COPB2: variants seen among roughly 807,000 people sequenced by gnomAD.
COPB2 encodes coatomer subunit beta'.
COPB2 carries 16 observed loss-of-function variants against 120.8 expected under a neutral mutation model. The ratio of observed to expected loss-of-function variants is 0.13; its 90% CI spans 0.09 to 0.20. COPB2 has a LOEUF of 0.20. Among genes scored for constraint, COPB2 ranks in the 10% least tolerant of loss-of-function variants. COPB2 has a pLI of 1.00. For missense variants in COPB2, 794 were observed against 1,076.5 expected, an observed-to-expected ratio of 0.74 and a Z score of 3.67; for synonymous variants, 332 against 366.3, an observed-to-expected ratio of 0.91 and a Z score of 1.07.
chr3:139,373,807 T>A lies in COPB2; in HGVS notation c.753A>T (p.Gly251=). 6.2e-7 allele frequency: 1 copy of A among 1,613,894 alleles called. No individual in the cohort carries two copies. The highest frequency in any genetic ancestry group is 1.1e-5 in the South Asian group (1 of 91,048). Residue 251 remains glycine (G), a splice_region_variant and synonymous_variant, in exon 8 of 22, where the codon GGA becomes GGT. Transcript: ENST00000333188. ...TGCTTGAATGCCAAATACGTACTGT[T>A]CCTAAAAAGAACAATGTAAATACTC... ...LPIIITGSED[G]TVRIWHSSTY...
intron 15 of COPB2, among the ~76,000 whole-genome samples, chr3:139,364,934 G>A (rs553430107): frequency 6.6e-6 from 1 of 152,074 alleles, no homozygotes; most frequent in Non-Finnish European, 1.5e-5. Context: ...TACCATATAG[G>A]GGGAAGAGAA....
intron 10 of COPB2, among the ~76,000 whole-genome samples, chr3:139,370,335 G>A (rs1004302870): frequency 1.3e-5 from 2 of 152,132 alleles, no homozygotes; most frequent in Admixed American, 1.3e-4. Flanking sequence ...TAGACAAAGC[G>A]ATGATTCACG....
intron 4 of COPB2, among the ~76,000 whole-genome samples, chr3:139,378,491 A>G (rs373776299): frequency 1.3e-5 from 2 of 152,334 alleles, no homozygotes; most frequent in African/African-American, 4.8e-5. Context: ...TATAAGTTTG[A>G]CTAGATCTAA....
At chr3:139,379,017 C>T (rs372714342) in intron 4 of COPB2, 30 bp downstream of exon 4, 634 of 1,545,654 alleles carry the variant, frequency 4.1e-4, no homozygotes, top group Non-Finnish European at 5.0e-4. Context: ...CCCAAAGAGA[C>T]GCACATGACC....
chr3:139,374,365 C>A, intron 7 of COPB2, 124 bp downstream of exon 7: 2 of 728,854 alleles, frequency 2.7e-6, no homozygotes, highest in Non-Finnish European at 4.8e-6. Flanking sequence ...TAGCTTAAGT[C>A]TGGTACTTTA....
chr3:139,388,626 GTTT>G (rs35109875), intron 1 of COPB2, among the ~76,000 whole-genome samples: 5 of 121,450 alleles, frequency 4.1e-5, no homozygotes, highest in Non-Finnish European at 5.4e-5. Context: ...TTCATAACAA[GTTT>G]TTTTTTTTTT....
Position 139,360,172 on chromosome 3 carries a change from T to C in COPB2, c.2211-810A>G, listed in dbSNP as rs115801100. Among the ~76,000 whole-genome samples the C allele has an allele frequency of 6.1e-3, 818 of 133,176 alleles. 9 individuals are homozygous for C. Among genetic ancestry groups the C allele is most frequent in the African/African-American group, 0.021 (778 of 36,476 alleles). The allele number at this position is 133,176 out of a possible 152,430, so 87.4% of individuals were successfully genotyped here. A position where few individuals can be genotyped will look rare whatever the true frequency, so the allele number is the denominator to read the frequency against. On this transcript the variant is annotated intron_variant, in intron 17 of 21. Coordinates refer to ENST00000333188, the MANE Select transcript of COPB2 (RefSeq NM_004766.3). ...ACAATGGGGTGCACGTTCAAAGTTA[T>C]ATGGCGAAGTATGGGATTGTAAAAA...
At position 139,383,378 on chromosome 3, in the gene COPB2, C is replaced by T. The variant is rs771058803; in HGVS notation, c.61G>A (p.Val21Met). The T allele has an allele frequency of 1.1e-5, 18 of 1,613,830 alleles. No individual in the cohort carries two copies. The highest frequency in any genetic ancestry group is 5.0e-5 in the Admixed American group (3 of 60,004). ...LTARSDRVKS[V>M]DLHPTEPWML... is the part of the protein sequence containing the mutation. The stretch of plus-strand genomic sequence containing the variant: ...CATGGCTCTGTAGGATGCAGATCCA[C>T]ACTCTTAACTCGATCAGATCTAGCA... Residue 21 changes from valine (V) to methionine (M), a missense_variant, in exon 2 of 22, where the codon GTG (valine) becomes ATG (methionine). By Grantham distance (21) the Val-to-Met change is conservative. Around this residue, in one of 3 missense-constraint regions of COPB2, gnomAD observed 610 missense variants for 866.7 expected, o/e 0.70. Transcript: ENST00000333188.
Position 139,389,633 on chromosome 3 carries a change from T to A in COPB2, c.-83A>T. 1 of 1,384,316 alleles carries A rather than the reference T, an allele frequency of 7.2e-7. No homozygotes were observed. Among genetic ancestry groups the A allele is most frequent in the East Asian group, 2.6e-5 (1 of 38,908 alleles). 85.8% of individuals were successfully genotyped at this position (1,384,316 alleles called of 1,614,324 possible). A position where few individuals can be genotyped will look rare whatever the true frequency, so the allele number is the denominator to read the frequency against. On this transcript the variant is annotated 5_prime_UTR_variant, in exon 1 of 22. Coordinates refer to ENST00000333188, the MANE Select transcript of COPB2 (RefSeq NM_004766.3). ...GATAAACCCACCGATCCACTGACCG[T>A]CAGACTGACTGACGTGGAACTTCCG...
chr3:139,368,332 G>A, intron 12 of COPB2, 44 bp from the exon 13 acceptor site: 2 of 1,582,704 alleles, frequency 1.3e-6, no homozygotes, highest in Non-Finnish European at 1.7e-6. Flanking sequence ...GGATTTCTGA[G>A]TGGATATGAC....
chr3:139,371,564 T>C (rs552664920), intron 10 of COPB2, among the ~76,000 whole-genome samples, 159 bp downstream of exon 10: 25 of 152,346 alleles, frequency 1.6e-4, no homozygotes, highest in African/African-American at 5.8e-4. Context: ...GCTCATGCTA[T>C]ACACTCGCCT....
At chr3:139,384,119 A>C (rs1941867848) in intron 1 of COPB2, among the ~76,000 whole-genome samples, 1 of 152,208 alleles carries the variant, frequency 6.6e-6, no homozygotes, top group South Asian at 2.1e-4. Flanking sequence ...TAGTTTCTTA[A>C]AGGCTACTTG....
chr3:139,362,035 C>T (rs1357734321), intron 16 of COPB2, among the ~76,000 whole-genome samples: 1 of 152,168 alleles, frequency 6.6e-6, no homozygotes, highest in African/African-American at 2.4e-5. Context: ...TCTTTCAAAA[C>T]CAACATATTT....
At chr3:139,361,432 G>T in intron 16 of COPB2, 137 bp from the exon 17 acceptor site, 1 of 765,368 alleles carries the variant, frequency 1.3e-6, no homozygotes, top group Non-Finnish European at 2.0e-6. Context: ...AAATAAGAAT[G>T]GCATTGCAAA....
At chr3:139,373,469 C>T (rs1941659801) in intron 8 of COPB2, 57 bp from the exon 9 acceptor site, 3 of 1,588,136 alleles carry the variant, frequency 1.9e-6, no homozygotes, top group Admixed American at 1.7e-5. Context: ...AAAACCAAAA[C>T]AAAACAGATT....
rs560518160 is a variant in COPB2 at position 139,358,262 on chromosome 3, C to T, written c.2563G>A (p.Gly855Arg). 8 of 1,613,932 alleles carry T rather than the reference C, an allele frequency of 5.0e-6. No homozygotes were observed. In the African/African-American group the frequency reaches 5.3e-5, roughly 11 times the overall value. Reference protein sequence around the residue: ...SRSTAQQELDGKPASPTPVIV... With the variant: ...SRSTAQQELDRKPASPTPVIV... ...ACCGGAGTAGGAGAAGCAGGTTTCC[C>T]ATCAAGTTCCTGAAACCACAAGTGA... is the stretch of plus-strand genomic sequence containing the variant. Residue 855 changes from glycine to arginine, a missense_variant, in exon 21 of 22, where the codon GGG becomes AGG. Around this residue, in one of 3 missense-constraint regions of COPB2, gnomAD observed 178 missense variants for 183.2 expected, o/e 0.97. Coordinates refer to ENST00000333188, the MANE Select transcript of COPB2 (RefSeq NM_004766.3).
At position 139,366,946 on chromosome 3, in the gene COPB2, C is replaced by T. The variant is rs558251904; in HGVS notation, c.1676+69G>A. 619 of 1,554,378 alleles carry T rather than the reference C, an allele frequency of 4.0e-4. 5 individuals carry two copies. In the South Asian group the frequency reaches 6.9e-3, roughly 17 times the overall value. ...CTGAAAAATCAGCCTATCATTGCTA[C>T]AAGCCAGCAACAGATTTTTCTAAAC... On this transcript the variant is annotated intron_variant, in intron 14 of 21. Transcript: ENST00000333188.
Position 139,361,210 on chromosome 3 carries a change from T to G in COPB2, c.2081A>C (p.Gln694Pro). 6.2e-7 allele frequency: 1 copy of G among 1,614,256 alleles called. No homozygotes were observed. The highest frequency in any genetic ancestry group is 8.5e-7 in the Non-Finnish European group (1 of 1,180,044). Reference sequence around the variant, plus strand: ...CAAAAGCAGCAGGCCCCCATAATCCTGTGCATGATGCAGGCACTCCTGGGC... The same window carrying G: ...CAAAAGCAGCAGGCCCCCATAATCCGGTGCATGATGCAGGCACTCCTGGGC... ...GLAQECLHHA[Q>P]DYGGLLLLAT... The change falls in exon 17 of 22, where the codon CAG (glutamine) becomes CCG (proline). Residue 694 changes from glutamine (Q) to proline (P), a missense_variant. Gln to Pro is a moderately conservative substitution (Grantham distance 76). Around this residue, in one of 3 missense-constraint regions of COPB2, gnomAD observed 610 missense variants for 866.7 expected, o/e 0.70. Transcript: ENST00000333188.
intron 9 of COPB2, 112 bp downstream of exon 9, chr3:139,373,101 G>T: frequency 1.9e-6 from 2 of 1,058,268 alleles, no homozygotes; most frequent in Non-Finnish European, 1.4e-6. Flanking sequence ...CAGGGCAAAA[G>T]CACATTGAGG....
Sources: allele counts gnomAD v4.1 joint callset (sites outside exome capture counted in the v4.1 genomes callset), GRCh38; gene constraint gnomAD v4.1.1; regional missense constraint gnomAD v4.1.1; transcripts MANE v1.5; gene names NCBI Gene and HGNC (gene_info 2026-07-23, HGNC 2026-07-21).